Variants in LMNTD1 observed in about 807,000 individuals in gnomAD.
The protein encoded by LMNTD1 is lamin tail domain containing 1.
Under a neutral mutation model 50.9 loss-of-function variants are expected in LMNTD1, and 35 were observed. The observed-to-expected ratio is 0.69, with a 90% CI of 0.53 to 0.91. LMNTD1 has a LOEUF of 0.91. Ranked by LOEUF, LMNTD1 falls within the 40% of genes least tolerant of loss-of-function variation. The probability of loss-of-function intolerance (pLI) is 0.00; values close to 1 mark genes in which losing one functional copy is unlikely to be tolerated. For synonymous variants in LMNTD1, 153 were observed against 161.9 expected, an observed-to-expected ratio of 0.94 and a Z score of 0.42; for missense variants, 470 against 475.5, an observed-to-expected ratio of 0.99 and a Z score of 0.11.
chr12:25,637,948 G>C (rs564586010), intron 1 of LMNTD1, among the ~76,000 whole-genome samples: 1 of 151,966 alleles, frequency 6.6e-6, no homozygotes, highest in East Asian at 1.9e-4. Context: ...ATGCAAAAAT[G>C]CTCAACAAAA....
chr12:25,494,974 C>T (rs1939012291), intron 9 of LMNTD1, among the ~76,000 whole-genome samples: 1 of 151,828 alleles, frequency 6.6e-6, no homozygotes, highest in Non-Finnish European at 1.5e-5. Context: ...AGCTTTGTAC[C>T]CTTTGAGCAA....
intron 1 of LMNTD1, among the ~76,000 whole-genome samples, chr12:25,626,092 G>A (rs1425289508): frequency 1.3e-5 from 2 of 152,172 alleles, no homozygotes; most frequent in East Asian, 3.8e-4. Context: ...GTTTGAAAGT[G>A]TATGACAAAT....
chr12:25,641,125 C>T (rs2136625187), intron 1 of LMNTD1, among the ~76,000 whole-genome samples: 1 of 152,266 alleles, frequency 6.6e-6, no homozygotes, highest in East Asian at 1.9e-4. Flanking sequence ...GTAGTATGTA[C>T]TCAACCAGTA....
intron 9 of LMNTD1, among the ~76,000 whole-genome samples, chr12:25,485,083 G>T (rs1938579216): frequency 6.7e-6 from 1 of 149,704 alleles, no homozygotes; most frequent in Admixed American, 6.7e-5. Context: ...TCGCCATACT[G>T]ACTTCCACAA....
intron 9 of LMNTD1, among the ~76,000 whole-genome samples, chr12:25,477,102 A>G (rs1446117903): frequency 6.6e-6 from 1 of 152,216 alleles, no homozygotes; most frequent in African/African-American, 2.4e-5. Context: ...CAGATGAGAC[A>G]TTTGAATGTA....
At chr12:25,616,207 G>C (rs1300013938) in intron 1 of LMNTD1, among the ~76,000 whole-genome samples, 1 of 151,902 alleles carries the variant, frequency 6.6e-6, no homozygotes, top group East Asian at 1.9e-4. Context: ...TTTTAGACAG[G>C]GTGGTAGGGG....
At chr12:25,579,314 C>CTA (rs1232337553) in intron 1 of LMNTD1, among the ~76,000 whole-genome samples, 2 of 152,054 alleles carry the variant, frequency 1.3e-5, no homozygotes, top group South Asian at 2.1e-4. Flanking sequence ...AGTATAACAA[C>CTA]TATATATATA....
chr12:25,544,922 C>A (rs1943336808), intron 4 of LMNTD1, among the ~76,000 whole-genome samples: 1 of 151,810 alleles, frequency 6.6e-6, no homozygotes, highest in South Asian at 2.1e-4. Flanking sequence ...TATTTTTATA[C>A]TGCCTATCTC....
At chr12:25,591,857 G>GAGAGAA (rs1945710042) in intron 1 of LMNTD1, among the ~76,000 whole-genome samples, 1 of 149,526 alleles carries the variant, frequency 6.7e-6, no homozygotes, top group Non-Finnish European at 1.5e-5. Flanking sequence ...GAGAGAGAGA[G>GAGAGAA]ACTCTATTTA....
intron 7 of LMNTD1, 137 bp downstream of exon 7, chr12:25,519,721 C>A (rs1941138130): frequency 3.3e-6 from 2 of 599,874 alleles, no homozygotes; most frequent in Non-Finnish European, 5.9e-6. Flanking sequence ...GAGTTCTATT[C>A]AAAATAGTAG....
chr12:25,499,432 C>T (rs570369634), intron 9 of LMNTD1, among the ~76,000 whole-genome samples: 1 of 152,188 alleles, frequency 6.6e-6, no homozygotes, highest in East Asian at 1.9e-4. Flanking sequence ...GAACTCAACT[C>T]TGTAATGTGC....
At chr12:25,642,572 A>G (rs1409752754) in intron 1 of LMNTD1, among the ~76,000 whole-genome samples, 1 of 152,258 alleles carries the variant, frequency 6.6e-6, no homozygotes, top group Non-Finnish European at 1.5e-5. Flanking sequence ...ATGGACTACA[A>G]CACTCCATCT....
chr12:25,552,953 C>G lies in LMNTD1; in HGVS notation c.7G>C (p.Asp3His). MK[D>H]TQDIQEASKA... ...GAAGCTTCCTGAATGTCTTGTGTATCTTTCATCTTGGCTAGAAAAGAAGTC... is the reference window on the plus strand; with the variant it reads ...GAAGCTTCCTGAATGTCTTGTGTATGTTTCATCTTGGCTAGAAAAGAAGTC... Residue 3 changes from aspartate to histidine, a missense_variant, in exon 2 of 10, where the codon GAT becomes CAT. Transcript: ENST00000458174. 1 of 1,584,322 alleles carries G rather than the reference C, an allele frequency of 6.3e-7. No individual in the cohort carries two copies. The highest frequency in any genetic ancestry group is 8.6e-7 in the Non-Finnish European group (1 of 1,163,736).
At chr12:25,530,648 T>G (rs992909298) in intron 4 of LMNTD1, among the ~76,000 whole-genome samples, 2 of 152,222 alleles carry the variant, frequency 1.3e-5, no homozygotes, top group Non-Finnish European at 2.9e-5. Flanking sequence ...TAATTTATAT[T>G]GTTTTAGATG....
rs1012494514 is a variant in LMNTD1 at position 25,522,565 on chromosome 12, T to C, written c.799-2490A>G. 2.0e-5 allele frequency among the ~76,000 whole-genome samples: 3 copies of C among 152,132 alleles called. No homozygotes were observed. The South Asian group carries it at 6.2e-4, about 32-fold the overall frequency. Reference sequence around the variant, plus strand: ...AAGCCATTTAACTTTCCAAGCCCCATTTTTTTTCCCCAAGATACTGAAACA... The same window carrying C: ...AAGCCATTTAACTTTCCAAGCCCCACTTTTTTTCCCCAAGATACTGAAACA... On this transcript the variant is annotated intron_variant, in intron 6 of 9. Coordinates refer to ENST00000458174, the MANE Select transcript of LMNTD1 (RefSeq NM_001145728.2).
At chr12:25,574,668 C>G (rs1944930352) in intron 1 of LMNTD1, among the ~76,000 whole-genome samples, 1 of 152,126 alleles carries the variant, frequency 6.6e-6, no homozygotes, top group South Asian at 2.1e-4. Context: ...CCCCCAGTGT[C>G]ATCACTTTCT....
At chr12:25,625,955 C>T (rs1419803639) in intron 1 of LMNTD1, among the ~76,000 whole-genome samples, 1 of 152,192 alleles carries the variant, frequency 6.6e-6, no homozygotes, top group Non-Finnish European at 1.5e-5. Context: ...CTTCACAAAT[C>T]GGTTATTTCT....
intron 7 of LMNTD1, among the ~76,000 whole-genome samples, chr12:25,519,587 C>CAAAAAAAAAAAAAAAAAAAAAA (rs58304861): frequency 1.1e-5 from 1 of 94,716 alleles, no homozygotes; most frequent in Non-Finnish European, 1.9e-5. Flanking sequence ...GACTCTGTCT[C>CAAAAAAAAAAAAAAAAAAAAAA]AAAAAAAAAA....
intron 7 of LMNTD1, among the ~76,000 whole-genome samples, chr12:25,519,643 T>C (rs1941132375): frequency 6.8e-6 from 1 of 147,954 alleles, no homozygotes; most frequent in South Asian, 2.2e-4. Flanking sequence ...TACTACCTAG[T>C]GAAGATCGCC....
Sources: gnomAD v4.1 joint callset for allele counts (sites outside exome capture counted in the v4.1 genomes callset) on GRCh38, gnomAD v4.1.1 for gene constraint, MANE v1.5 for transcripts, NCBI Gene and HGNC (gene_info 2026-07-23, HGNC 2026-07-21) for gene names.